The following EXOC6 variants were observed in gnomAD, a reference collection of about 807,000 sequenced individuals.
The protein encoded by EXOC6 is SEC15-like 1.
In EXOC6, 60 loss-of-function variants were observed where a neutral mutation model predicts 112.5. The ratio of observed to expected loss-of-function variants is 0.53; its 90% confidence interval spans 0.43 to 0.66. The LOEUF is 0.66. Ranked by LOEUF, EXOC6 falls within the 30% of genes least tolerant of loss-of-function variation. The pLI is 0.00. For synonymous variants in EXOC6, 295 were observed against 308.0 expected (o/e 0.96, Z 0.44); for missense variants, 855 against 957.1 (o/e 0.89, Z 1.41).
At chr10:92,943,530 CACTAT>C (rs1852794135) in intron 13 of EXOC6, among the ~76,000 whole-genome samples, 1 of 152,142 alleles carries the variant, frequency 6.6e-6, no homozygotes, top group Non-Finnish European at 1.5e-5. Flanking sequence ...AGCTCTCTCT[CACTAT>C]ATTATGAGCC....
At chr10:93,052,248 G>A (rs985153521) in intron 20 of EXOC6, among the ~76,000 whole-genome samples, 1 of 152,202 alleles carries the variant, frequency 6.6e-6, no homozygotes, top group Non-Finnish European at 1.5e-5. Flanking sequence ...GATTCATTGT[G>A]TCATTTGTAC....
chr10:93,027,831 T>C (rs1466178986), intron 20 of EXOC6, among the ~76,000 whole-genome samples: 1 of 152,260 alleles, frequency 6.6e-6, no homozygotes, highest in Non-Finnish European at 1.5e-5. Context: ...TCATGCCTGC[T>C]AACACAGCAT....
At chr10:92,964,976 C>T (rs922097622) in intron 17 of EXOC6, among the ~76,000 whole-genome samples, 1 of 152,142 alleles carries the variant, frequency 6.6e-6, no homozygotes, top group Admixed American at 6.5e-5. Flanking sequence ...GAAACTGTCT[C>T]CCTCCACCAG....
chr10:92,944,882 C>T (rs1046967783), intron 13 of EXOC6, among the ~76,000 whole-genome samples: 1 of 151,868 alleles, frequency 6.6e-6, no homozygotes, highest in Non-Finnish European at 1.5e-5. Context: ...AAGTGATTCT[C>T]CTGCCTCAGC....
chr10:92,981,237 A>G (rs1048645094), intron 18 of EXOC6, among the ~76,000 whole-genome samples: 3 of 152,206 alleles, frequency 2.0e-5, no homozygotes, highest in Admixed American at 6.5e-5. Flanking sequence ...TATAAGTAGA[A>G]TAAGTTGTTG....
intron 18 of EXOC6, among the ~76,000 whole-genome samples, chr10:92,980,984 G>T (rs1405782764): frequency 1.3e-5 from 2 of 152,008 alleles, no homozygotes; most frequent in East Asian, 3.9e-4. Context: ...CCTAGATCGC[G>T]CCATTGCACT....
At chr10:92,921,401 T>C (rs1309234056) in intron 8 of EXOC6, among the ~76,000 whole-genome samples, 1 of 151,730 alleles carries the variant, frequency 6.6e-6, no homozygotes, top group Non-Finnish European at 1.5e-5. Flanking sequence ...CCCGCCACCA[T>C]GGCCAGCTAA....
chr10:93,023,089 A>G (rs1362976806), intron 20 of EXOC6, among the ~76,000 whole-genome samples: 2 of 126,720 alleles, frequency 1.6e-5, no homozygotes, highest in African/African-American at 3.5e-5. Context: ...AGCCCTTTTC[A>G]TAGTACTTAT....
chr10:92,880,347 AT>A (rs1013318055), intron 1 of EXOC6, among the ~76,000 whole-genome samples: 11 of 149,484 alleles, frequency 7.4e-5, no homozygotes, highest in East Asian at 1.9e-4. Context: ...GCAACCACCC[AT>A]TTTTTTTTTC....
At chr10:92,883,165 A>G (rs986216910) in intron 1 of EXOC6, among the ~76,000 whole-genome samples, 2 of 152,242 alleles carry the variant, frequency 1.3e-5, no homozygotes, top group African/African-American at 4.8e-5. Context: ...CTTTAAATCA[A>G]TTGTGAACTA....
At chr10:92,935,651 A>G (rs897578533) in intron 11 of EXOC6, among the ~76,000 whole-genome samples, 163 bp from the exon 12 acceptor site, 1 of 152,182 alleles carries the variant, frequency 6.6e-6, no homozygotes, top group Non-Finnish European at 1.5e-5. Flanking sequence ...TATACTGAAT[A>G]GAGAAGGTCT....
intron 1 of EXOC6, among the ~76,000 whole-genome samples, chr10:92,858,501 A>C (rs984965899): frequency 3.3e-5 from 5 of 150,666 alleles, no homozygotes; most frequent in African/African-American, 7.3e-5. Flanking sequence ...ATATTCACTG[A>C]TTCTTCCTTC....
At chr10:92,931,531 A>G (rs1306050417) in intron 9 of EXOC6, among the ~76,000 whole-genome samples, 3 of 151,652 alleles carry the variant, frequency 2.0e-5, no homozygotes, top group African/African-American at 7.2e-5. Context: ...ATCTTCTCAC[A>G]TGTTTATTTG....
At chr10:93,057,266 T>C (rs1846591470) in intron 21 of EXOC6, among the ~76,000 whole-genome samples, 1 of 152,124 alleles carries the variant, frequency 6.6e-6, no homozygotes. Flanking sequence ...TTTCCTTTTG[T>C]ATCCTGAATT....
At chr10:92,831,221 G>A, upstream of EXOC6, 2 of 655,304 alleles carry the variant, frequency 3.1e-6, no homozygotes, top group South Asian at 3.0e-5. Flanking sequence ...GGGAGTAGAG[G>A]GAGGGTGGGG....
chr10:93,039,900 C>T (rs945809379), intron 20 of EXOC6, among the ~76,000 whole-genome samples: 35 of 152,180 alleles, frequency 2.3e-4, no homozygotes, highest in African/African-American at 8.0e-4. Flanking sequence ...ATACTGCTAA[C>T]CCTGCAGCTC....
At chr10:93,030,716 T>C (rs1845232303) in intron 20 of EXOC6, among the ~76,000 whole-genome samples, 2 of 152,370 alleles carry the variant, frequency 1.3e-5, no homozygotes, top group East Asian at 1.9e-4. Context: ...AATATGTTTT[T>C]ACTTTTTTCT....
At chr10:93,030,008 A>G (rs1192429888) in intron 20 of EXOC6, among the ~76,000 whole-genome samples, 2 of 151,562 alleles carry the variant, frequency 1.3e-5, no homozygotes, top group African/African-American at 4.9e-5. Context: ...TCCCAGGTTC[A>G]AGTGATTCTC....
intron 19 of EXOC6, among the ~76,000 whole-genome samples, chr10:93,011,527 C>A (rs1025509782): frequency 9.2e-5 from 14 of 152,002 alleles, no homozygotes; most frequent in Non-Finnish European, 7.4e-5. Context: ...TCCCAAAATA[C>A]TAGGATTTAT....
Sources: allele counts gnomAD v4.1 joint callset (sites outside exome capture counted in the v4.1 genomes callset), GRCh38; gene constraint gnomAD v4.1.1; transcripts MANE v1.5; gene names NCBI Gene and HGNC (gene_info 2026-07-23, HGNC 2026-07-21).